ZFR2: variants seen among roughly 807,000 people sequenced by gnomAD.
ZFR2 encodes zinc finger RNA binding protein 2.
A neutral mutation model predicts 105.7 loss-of-function variants in ZFR2; 104 were observed. That is an observed-to-expected ratio of 0.98 (90% CI 0.84 to 1.16). The LOEUF is 1.16. Ranked by LOEUF, ZFR2 falls within the 50% of genes most tolerant of loss-of-function variation. The probability of loss-of-function intolerance (pLI) is 0.00; values close to 1 mark genes in which losing one functional copy is unlikely to be tolerated. For synonymous variants in ZFR2, 634 were observed against 597.7 expected (o/e 1.06, Z -0.89); for missense variants, 1,425 against 1,355.5 (o/e 1.05, Z -0.80).
intron 1 of ZFR2, among the ~76,000 whole-genome samples, chr19:3,854,922 G>T (rs1736968973): frequency 1.3e-5 from 2 of 152,112 alleles, no homozygotes; most frequent in South Asian, 4.1e-4. Context: ...ACCACACCCA[G>T]ATAATTTTTA....
At chr19:3,822,021 G>A in intron 9 of ZFR2, 60 bp downstream of exon 9, 1 of 1,523,796 alleles carries the variant, frequency 6.6e-7, no homozygotes. Context: ...AGGCCTCCCA[G>A]CGCCCGCCGG....
chr19:3,823,191 C>A lies in ZFR2; in HGVS notation c.1371+55G>T. ...GCCGGGTGAGGTCTCGAAGCCTGAT[C>A]CATGGGAAGGTCCTTCCCTGACCGG... On this transcript the variant is annotated intron_variant, in intron 8 of 18. Transcript: ENST00000262961. The surrounding 1 kb of genome is among the most constrained non-coding windows in gnomAD (Gnocchi z 5.4). 6.2e-7 allele frequency: 1 copy of A among 1,610,694 alleles called. No individual in the cohort carries two copies. The highest frequency in any genetic ancestry group is 8.5e-7 in the Non-Finnish European group (1 of 1,178,286).
At chr19:3,863,204 C>A (rs1197512999) in intron 1 of ZFR2, among the ~76,000 whole-genome samples, 1 of 152,178 alleles carries the variant, frequency 6.6e-6, no homozygotes, top group Non-Finnish European at 1.5e-5. Flanking sequence ...CGGTTGCAGC[C>A]ACACCTGGCA....
At position 3,822,183 on chromosome 19, in the gene ZFR2, C is replaced by G. The variant is rs1459654786; in HGVS notation, c.1389G>C (p.Gly463=). 1.9e-6 allele frequency: 3 copies of G among 1,598,788 alleles called. No individual in the cohort carries two copies. Among genetic ancestry groups the G allele is most frequent in the Non-Finnish European group, 2.6e-6 (3 of 1,173,324 alleles). The change falls in exon 9 of 19, where the codon GGG becomes GGC. Residue 463 remains glycine, a synonymous_variant. Transcript: ENST00000262961. ...EYVEEVFSDE[G]RVLRFHCKLC... ...GCTTGCAGTGGAAGCGAAGCACTCG[C>G]CCTTCGTCGCTGAACACCTGAGACA...
In ZFR2 at chr19:3,808,891, GGCCAC is replaced by G. The variant is rs1568416028; in HGVS notation, c.2521_2525del (p.Val841HisfsTer137). On this transcript the variant is annotated frameshift_variant, in exon 17 of 19. Transcript: ENST00000262961. LOFTEE classifies it high-confidence loss of function. ...ACTGACCTGTCAGGAGCGTCCCTGTGGCCACGCACTCCAGGACTCGCCTGACTGCA... is the reference window on the plus strand; with the variant it reads ...ACTGACCTGTCAGGAGCGTCCCTGTGGCACTCCAGGACTCGCCTGACTGCA... The G allele has an allele frequency of 6.4e-7, 1 of 1,556,518 alleles. No homozygotes were observed. The highest frequency in any genetic ancestry group is 8.7e-7 in the Non-Finnish European group (1 of 1,152,776).
intron 1 of ZFR2, among the ~76,000 whole-genome samples, chr19:3,847,650 G>C (rs189303479): frequency 3.3e-5 from 5 of 152,196 alleles, no homozygotes; most frequent in Non-Finnish European, 7.3e-5. Flanking sequence ...CACGGGGAGA[G>C]GCTCAGGCCT....
At chr19:3,849,707 T>A (rs1462255789) in intron 1 of ZFR2, among the ~76,000 whole-genome samples, 1 of 152,230 alleles carries the variant, frequency 6.6e-6, no homozygotes, top group Non-Finnish European at 1.5e-5. Context: ...GGCTGGCCTC[T>A]GACTTGGAGT....
At chr19:3,809,404 C>T (rs1288141551) in intron 16 of ZFR2, among the ~76,000 whole-genome samples, 1 of 152,180 alleles carries the variant, frequency 6.6e-6, no homozygotes, top group Non-Finnish European at 1.5e-5. Flanking sequence ...GGGCCCGCCT[C>T]AGCTGAGGGG....
intron 13 of ZFR2, 44 bp from the exon 14 acceptor site, chr19:3,814,002 A>G: frequency 6.2e-7 from 1 of 1,609,316 alleles, no homozygotes; most frequent in South Asian, 1.1e-5. Context: ...ACTGCAGCCC[A>G]GATTCATGTG....
At chr19:3,822,586 C>T (rs964268484) in intron 8 of ZFR2, among the ~76,000 whole-genome samples, 6 of 151,972 alleles carry the variant, frequency 3.9e-5, no homozygotes, top group Non-Finnish European at 8.8e-5. Flanking sequence ...AGTGGTGGCT[C>T]ATGCCTGTAG....
In ZFR2 at chr19:3,834,963, G is replaced by A. The variant is rs906256114; in HGVS notation, c.74C>T (p.Pro25Leu). The stretch of plus-strand genomic sequence containing the variant: ...ATAGCTGGCCCCCACAGTGGGCAGG[G>A]GAAGGGTCGGAGGCTGGGCGCTAGA... Reference protein sequence around the residue: ...PQYSAQPPTLPLPTVGASYTA... With the variant: ...PQYSAQPPTLLLPTVGASYTA... Residue 25 changes from proline to leucine, a missense_variant, in exon 2 of 19, where the codon CCC becomes CTC. Transcript: ENST00000262961. This position sits in a 1 kb window ranked among gnomAD's most constrained non-coding sequence, Gnocchi z 5.3. The A allele has an allele frequency of 6.2e-6, 10 of 1,610,968 alleles. No individual in the cohort carries two copies. Among genetic ancestry groups the A allele is most frequent in the Non-Finnish European group, 8.5e-6 (10 of 1,179,064 alleles).
chr19:3,860,787 A>T (rs2038364611), intron 1 of ZFR2, among the ~76,000 whole-genome samples: 2 of 152,142 alleles, frequency 1.3e-5, no homozygotes, highest in South Asian at 4.1e-4. Context: ...CCGACATCTC[A>T]GGAACAAGGA....
rs1432840647 is a variant in ZFR2 at position 3,869,013 on chromosome 19, G to T, written c.5C>A (p.Ala2Glu). 1.5e-6 allele frequency: 2 copies of T among 1,367,944 alleles called. No individual in the cohort carries two copies. Among genetic ancestry groups the T allele is most frequent in the Non-Finnish European group, 9.5e-7 (1 of 1,049,946 alleles). 84.7% of individuals were successfully genotyped at this position (1,367,944 alleles called of 1,614,324 possible). Residue 2 changes from alanine to glutamate, a missense_variant, in exon 1 of 19, where the codon GCG becomes GAG. By Grantham distance (107) the Ala-to-Glu change is moderately radical (BLOSUM62 -1). Coordinates refer to ENST00000262961, the MANE Select transcript of ZFR2 (RefSeq NM_015174.2). M[A>E]TSQYFDFAQG... ...CGCGAAGTCGAAATACTGACTCGTC[G>T]CCATCTTGGCGTCTTCCCCGAGCCT...
At chr19:3,827,941 C>CTCCT (rs907599593) in intron 5 of ZFR2, among the ~76,000 whole-genome samples, 27 of 151,830 alleles carry the variant, frequency 1.8e-4, no homozygotes, top group African/African-American at 6.3e-4. Flanking sequence ...CCGCCTCAGC[C>CTCCT]TCCTAAGTAC....
intron 1 of ZFR2, among the ~76,000 whole-genome samples, chr19:3,844,385 T>G (rs1415147670): frequency 1.3e-5 from 2 of 152,070 alleles, no homozygotes; most frequent in African/African-American, 4.8e-5. Flanking sequence ...TTTTTTTTTT[T>G]GAGACAGAAT....
intron 9 of ZFR2, 103 bp downstream of exon 9, chr19:3,821,978 G>A (rs1200823547): frequency 4.1e-6 from 6 of 1,450,246 alleles, no homozygotes; most frequent in Non-Finnish European, 5.5e-6. Flanking sequence ...TCTTAAGTTC[G>A]TCGGATCACA....
chr19:3,841,528 T>TA (rs1052799726), intron 1 of ZFR2, among the ~76,000 whole-genome samples: 6 of 150,532 alleles, frequency 4.0e-5, no homozygotes, highest in East Asian at 2.0e-4. Flanking sequence ...CTACAAAAAA[T>TA]AAAAAAAAAT....
chr19:3,809,573 C>G (rs2037739124), intron 16 of ZFR2, among the ~76,000 whole-genome samples: 1 of 152,202 alleles, frequency 6.6e-6, no homozygotes, highest in Non-Finnish European at 1.5e-5. Flanking sequence ...CACGTCAGGA[C>G]AGCCGCACAC....
chr19:3,855,535 C>T, intron 1 of ZFR2: 1 of 1,020,866 alleles, frequency 9.8e-7, no homozygotes. Flanking sequence ...ATAACCAGAC[C>T]AAAGTCCCGT....
Sources: allele counts gnomAD v4.1 joint callset (sites outside exome capture counted in the v4.1 genomes callset), GRCh38; gene constraint gnomAD v4.1.1; non-coding constraint Gnocchi (gnomAD v3.1); transcripts MANE v1.5; gene names NCBI Gene and HGNC (gene_info 2026-07-23, HGNC 2026-07-21).